The following PSD3 variants were observed in gnomAD, a reference collection of about 807,000 sequenced individuals.
PSD3 encodes the protein pleckstrin and Sec7 domain containing 3.
A neutral mutation model predicts 105.5 loss-of-function variants in PSD3; 49 were observed. The ratio of observed to expected loss-of-function variants is 0.46; its 90% CI spans 0.37 to 0.59. PSD3 has a LOEUF of 0.59. Among genes scored for constraint, PSD3 ranks in the 20% least tolerant of loss-of-function variants. The pLI is 0.00. For synonymous variants in PSD3, 557 were observed against 457.8 expected (o/e 1.22, Z -2.77); for missense variants, 1,561 against 1,263.8 (o/e 1.24, Z -3.57).
chr8:18,703,969 C>A (rs1801738067), intron 9 of PSD3, among the ~76,000 whole-genome samples: 1 of 151,642 alleles, frequency 6.6e-6, no homozygotes, highest in South Asian at 2.1e-4. Flanking sequence ...AGCAGCTGAT[C>A]CACGAAAAAG....
At chr8:18,579,109 C>T (rs1802643401) in intron 12 of PSD3, among the ~76,000 whole-genome samples, 1 of 151,440 alleles carries the variant, frequency 6.6e-6, no homozygotes, top group Non-Finnish European at 1.5e-5. Context: ...CACACACACA[C>T]ACACACACAC....
At chr8:18,625,908 A>C (rs1469539083) in intron 11 of PSD3, among the ~76,000 whole-genome samples, 1 of 129,426 alleles carries the variant, frequency 7.7e-6, no homozygotes, top group Non-Finnish European at 1.7e-5. Context: ...TAGATCATTT[A>C]TATTTTGGGT....
Position 18,626,013 on chromosome 8 carries a change from C to G in PSD3, c.2410+6600G>C, listed in dbSNP as rs115005767. Among the ~76,000 whole-genome samples, 642 of 151,980 alleles carry G rather than the reference C, an allele frequency of 4.2e-3. 4 individuals carry two copies. The highest frequency in any genetic ancestry group is 0.015 in the African/African-American group (614 of 41,480). On this transcript the variant is annotated intron_variant, in intron 11 of 15. Transcript: ENST00000327040. ...TACTGAATTTTGTTTTTTATTGTAT[C>G]TGACAAAACCCAGGAGATGCGTTTT... is the stretch of plus-strand genomic sequence containing the variant.
intron 1 of PSD3, among the ~76,000 whole-genome samples, chr8:19,026,336 G>C (rs1269679537): frequency 6.6e-6 from 1 of 152,014 alleles, no homozygotes. Flanking sequence ...AGGATTTAAA[G>C]AGCTTTATTA....
At chr8:18,968,555 C>T (rs1017308328) in intron 1 of PSD3, among the ~76,000 whole-genome samples, 9 of 152,144 alleles carry the variant, frequency 5.9e-5, no homozygotes, top group Admixed American at 3.3e-4. Flanking sequence ...AGCTTGCTGT[C>T]ACCTAGCTTG....
intron 7 of PSD3, 123 bp from the exon 8 acceptor site, chr8:18,799,476 C>G (rs369914148): frequency 2.7e-6 from 2 of 751,572 alleles, no homozygotes; most frequent in Non-Finnish European, 4.4e-6. Flanking sequence ...TACAATTAGT[C>G]CTGTTTTAAG....
At chr8:18,561,720 TTA>T (rs968730892) in intron 14 of PSD3, among the ~76,000 whole-genome samples, 8 of 152,268 alleles carry the variant, frequency 5.3e-5, no homozygotes, top group African/African-American at 1.9e-4. Context: ...TTTTTCCTAT[TTA>T]TATAGTACTT....
chr8:18,922,405 T>C (rs1238197450), intron 2 of PSD3, among the ~76,000 whole-genome samples: 3 of 152,206 alleles, frequency 2.0e-5, no homozygotes, highest in African/African-American at 7.2e-5. Context: ...CTGTGGAGAT[T>C]AAAGTTCTCA....
At chr8:18,883,003 C>T (rs1026452597) in intron 2 of PSD3, among the ~76,000 whole-genome samples, 4 of 151,948 alleles carry the variant, frequency 2.6e-5, no homozygotes, top group Non-Finnish European at 4.4e-5. Flanking sequence ...AAAGTGCTGC[C>T]CTAGAGCCTT....
intron 10 of PSD3, among the ~76,000 whole-genome samples, chr8:18,640,523 C>A (rs1340688099): frequency 1.1e-4 from 17 of 152,152 alleles, no homozygotes. Flanking sequence ...TAAGGCCCTT[C>A]ACCTTCACTT....
chr8:19,033,423 T>C (rs1245306372), intron 1 of PSD3, among the ~76,000 whole-genome samples: 1 of 152,218 alleles, frequency 6.6e-6, no homozygotes, highest in Non-Finnish European at 1.5e-5. Flanking sequence ...TTTCGAAGTT[T>C]ACTTTTGATT....
intron 8 of PSD3, among the ~76,000 whole-genome samples, chr8:18,785,344 C>T (rs1490843375): frequency 6.6e-6 from 1 of 152,196 alleles, no homozygotes; most frequent in African/African-American, 2.4e-5. Context: ...CTCCACCAAG[C>T]ATTTTAGGTT....
At chr8:18,696,510 GC>G (rs1211949762) in intron 9 of PSD3, among the ~76,000 whole-genome samples, 3 of 152,156 alleles carry the variant, frequency 2.0e-5, no homozygotes, top group African/African-American at 7.2e-5. Context: ...GCAGCACGTT[GC>G]TCAGCTTGTG....
chr8:18,713,495 A>C (rs1338428362), intron 9 of PSD3, among the ~76,000 whole-genome samples: 1 of 152,168 alleles, frequency 6.6e-6, no homozygotes, highest in East Asian at 1.9e-4. Context: ...ACAACAGACA[A>C]GCAGAGAGCC....
chr8:18,681,522 C>G (rs1412595615), intron 9 of PSD3, among the ~76,000 whole-genome samples: 2 of 141,774 alleles, frequency 1.4e-5, no homozygotes, highest in African/African-American at 5.2e-5. Context: ...CTACTAGATA[C>G]AAGTAAGATC....
At chr8:18,594,883 T>C (rs1346628640) in intron 12 of PSD3, among the ~76,000 whole-genome samples, 2 of 152,134 alleles carry the variant, frequency 1.3e-5, no homozygotes, top group Non-Finnish European at 2.9e-5. Flanking sequence ...TTTGAAACTT[T>C]GTGGAACTTT....
At chr8:18,839,421 G>C (rs1814424803) in intron 4 of PSD3, among the ~76,000 whole-genome samples, 1 of 152,104 alleles carries the variant, frequency 6.6e-6, no homozygotes, top group Non-Finnish European at 1.5e-5. Context: ...TTGTCCAAAG[G>C]TGAATTTCCC....
At chr8:18,846,774 C>A (rs1815123661) in intron 4 of PSD3, among the ~76,000 whole-genome samples, 1 of 152,164 alleles carries the variant, frequency 6.6e-6, no homozygotes, top group Non-Finnish European at 1.5e-5. Context: ...CTTGCCACAT[C>A]TCTCTAGGGG....
At chr8:18,617,880 CA>C (rs1035207488) in intron 11 of PSD3, among the ~76,000 whole-genome samples, 11 of 152,124 alleles carry the variant, frequency 7.2e-5, no homozygotes, top group African/African-American at 1.2e-4. Context: ...TATTGTACCC[CA>C]AAATGCATTT....
Sources: gnomAD v4.1 joint callset for allele counts (sites outside exome capture counted in the v4.1 genomes callset) on GRCh38, gnomAD v4.1.1 for gene constraint, MANE v1.5 for transcripts, NCBI Gene and HGNC (gene_info 2026-07-23, HGNC 2026-07-21) for gene names.